KIFAP3: variants seen among roughly 807,000 people sequenced by gnomAD.
The protein encoded by KIFAP3 is kinesin-associated protein 3.
In KIFAP3, 68 loss-of-function variants were observed where a neutral mutation model predicts 106.5. That is an observed-to-expected ratio of 0.64 (90% CI 0.53 to 0.78). The LOEUF (loss-of-function observed/expected upper bound fraction) is 0.78, where lower values mean the gene tolerates loss of function less well. Among genes scored for constraint, KIFAP3 ranks in the 30% least tolerant of loss-of-function variants. KIFAP3 has a pLI of 0.00. For missense variants in KIFAP3, 780 were observed against 941.8 expected (o/e 0.83, Z 2.25); for synonymous variants, 320 against 311.5 (o/e 1.03, Z -0.29).
At chr1:169,925,912 CT>C (rs1663106860) in intron 19 of KIFAP3, among the ~76,000 whole-genome samples, 1 of 152,096 alleles carries the variant, frequency 6.6e-6, no homozygotes, top group Non-Finnish European at 1.5e-5. Flanking sequence ...CAACACAAGC[CT>C]TTTTCTTCTT....
chr1:170,012,324 T>A (rs1254139497), intron 10 of KIFAP3, among the ~76,000 whole-genome samples: 1 of 152,106 alleles, frequency 6.6e-6, no homozygotes, highest in Non-Finnish European at 1.5e-5. Context: ...ATAATATTTA[T>A]GGCCCTGTAT....
intron 1 of KIFAP3, among the ~76,000 whole-genome samples, chr1:170,065,033 G>C (rs1671365699): frequency 6.6e-6 from 1 of 152,120 alleles, no homozygotes; most frequent in South Asian, 2.1e-4. Context: ...TCTTGGAAGA[G>C]TTGTACATAA....
At chr1:170,006,418 T>C (rs1389808301) in intron 10 of KIFAP3, among the ~76,000 whole-genome samples, 1 of 152,156 alleles carries the variant, frequency 6.6e-6, no homozygotes, top group South Asian at 2.1e-4. Context: ...CTGAGACTGA[T>C]GGAACTCCAT....
chr1:170,012,031 C>G (rs1374756848), intron 10 of KIFAP3, among the ~76,000 whole-genome samples: 1 of 151,990 alleles, frequency 6.6e-6, no homozygotes, highest in Non-Finnish European at 1.5e-5. Flanking sequence ...CAATAAAACT[C>G]AAGAACATTA....
At position 169,984,623 on chromosome 1, in the gene KIFAP3, T is replaced by C. The variant is rs1175275945; in HGVS notation, c.1352A>G (p.Asn451Ser). 9.9e-6 allele frequency: 16 copies of C among 1,608,406 alleles called. No individual in the cohort carries two copies. Among genetic ancestry groups the C allele is most frequent in the Non-Finnish European group, 1.2e-5 (14 of 1,176,250 alleles). ...IDLELISFCI[N>S]LAANKRNVQL... ...TACATTTCTTTTGTTAGCAGCAAGA[T>C]TAATGCAGAAAGAAATGAGTTCCAA... Residue 451 changes from asparagine to serine, a missense_variant, in exon 12 of 20, where the codon AAT becomes AGT. Around this residue, in one of 3 missense-constraint regions of KIFAP3, gnomAD observed 588 missense variants for 678.9 expected, o/e 0.87. Transcript: ENST00000361580.
intron 3 of KIFAP3, among the ~76,000 whole-genome samples, chr1:170,042,177 T>A (rs1670016119): frequency 6.6e-6 from 1 of 152,210 alleles, no homozygotes; most frequent in Admixed American, 6.5e-5. Context: ...ATACGGGAAA[T>A]ACTAACTTAA....
At chr1:170,084,684 A>G (rs1165668315) in intron 1 of KIFAP3, among the ~76,000 whole-genome samples, 3 of 152,186 alleles carry the variant, frequency 2.0e-5, no homozygotes, top group Non-Finnish European at 4.4e-5. Context: ...ATGAAATATC[A>G]TGGTACAGTT....
upstream of KIFAP3, among the ~76,000 whole-genome samples, chr1:170,079,191 G>A (rs1346518236): frequency 1.3e-5 from 2 of 152,210 alleles, no homozygotes; most frequent in Middle Eastern, 3.4e-3. Context: ...GTTCCTGTGA[G>A]AGCTGGTTGA....
chr1:169,932,753 C>G (rs1289869309), intron 19 of KIFAP3, among the ~76,000 whole-genome samples: 1 of 147,990 alleles, frequency 6.8e-6, no homozygotes, highest in African/African-American at 2.5e-5. Flanking sequence ...CTCCAAAGTC[C>G]TTAAACAAAT....
At chr1:169,979,993 A>T (rs1020812733) in intron 15 of KIFAP3, among the ~76,000 whole-genome samples, 4 of 152,200 alleles carry the variant, frequency 2.6e-5, no homozygotes, top group African/African-American at 9.7e-5. Flanking sequence ...TCACAAATAT[A>T]AGGTAGAACA....
At position 170,049,605 on chromosome 1, in the gene KIFAP3, A is replaced by T. The variant is rs190977397; in HGVS notation, c.165-2739T>A. Among the ~76,000 whole-genome samples, 279 of 152,350 alleles carry T rather than the reference A, an allele frequency of 1.8e-3. 1 individual carries two copies. Among genetic ancestry groups the T allele is most frequent in the African/African-American group, 6.5e-3 (272 of 41,580 alleles). On this transcript the variant is annotated intron_variant, in intron 2 of 19. Transcript: ENST00000361580. Reference sequence around the variant, plus strand: ...GGAGATCTCTGGCTGGCATCAGGCCAGTGCTCCCTCTGGGACGAAGCTTCC... The same window carrying T: ...GGAGATCTCTGGCTGGCATCAGGCCTGTGCTCCCTCTGGGACGAAGCTTCC...
intron 3 of KIFAP3, among the ~76,000 whole-genome samples, chr1:170,045,796 G>A (rs897009508): frequency 2.0e-5 from 3 of 152,112 alleles, no homozygotes; most frequent in African/African-American, 7.2e-5. Context: ...TTATAACTAA[G>A]CATTAATAGG....
At chr1:170,047,125 G>A (rs904366583) in intron 2 of KIFAP3, among the ~76,000 whole-genome samples, 24 of 152,118 alleles carry the variant, frequency 1.6e-4, no homozygotes, top group Non-Finnish European at 3.2e-4. Context: ...CAGAGATTCT[G>A]TTTTAAAACA....
At position 169,993,625 on chromosome 1, in the gene KIFAP3, G is replaced by GCCTGTAATCC. The variant is rs1171195960; in HGVS notation, c.1184-1371_1184-1370insGGATTACAGG. On this transcript the variant is annotated intron_variant, in intron 10 of 19. Coordinates refer to ENST00000361580, the MANE Select transcript of KIFAP3 (RefSeq NM_014970.4). ...TTTCCCAGGGTCTAGCAAGCTTCAG[G>GCCTGTAATCC]CAGGTGATTTGCTTGTACCCAGAAG... is the stretch of plus-strand genomic sequence containing the variant. Among the ~76,000 whole-genome samples the GCCTGTAATCC allele has an allele frequency of 5.9e-4, 16 of 27,042 alleles. 8 individuals carry two copies. Among genetic ancestry groups the GCCTGTAATCC allele is most frequent in the East Asian group, 1.6e-3 (2 of 1,266 alleles). 17.7% of individuals were successfully genotyped at this position (27,042 alleles called of 152,430 possible).
chr1:170,067,685 T>C (rs1328771038), intron 1 of KIFAP3: 1 of 152,220 alleles, frequency 6.6e-6, no homozygotes, highest in Non-Finnish European at 1.5e-5. Context: ...TTTCCTTTGT[T>C]TTGACTAATT....
rs1425562100 is a variant in KIFAP3, at chr1:170,057,393, G to C, written c.33-1957C>G. 4.0e-5 allele frequency among the ~76,000 whole-genome samples: 6 copies of C among 151,896 alleles called. No homozygotes were observed. In the East Asian group the frequency reaches 1.2e-3, roughly 29 times the overall value. ...TTTGCCTTTTTTTTGCTGTGTATGT[G>C]TGTTTTAGAGGAGTAAGTTAATTAC... On this transcript the variant is annotated intron_variant, in intron 1 of 19. Transcript: ENST00000361580.
At chr1:170,059,817 C>T (rs950200369) in intron 1 of KIFAP3, among the ~76,000 whole-genome samples, 1 of 152,184 alleles carries the variant, frequency 6.6e-6, no homozygotes, top group Non-Finnish European at 1.5e-5. Context: ...GCTTATCCAC[C>T]ATGATCAAGT....
At chr1:170,001,883 T>G (rs1250780913) in intron 10 of KIFAP3, among the ~76,000 whole-genome samples, 1 of 152,170 alleles carries the variant, frequency 6.6e-6, no homozygotes, top group Non-Finnish European at 1.5e-5. Flanking sequence ...AAAATAAAGT[T>G]TCATTTTTTC....
intron 9 of KIFAP3, among the ~76,000 whole-genome samples, chr1:170,021,404 TA>T (rs1002385395): frequency 5.6e-5 from 8 of 142,954 alleles, no homozygotes; most frequent in East Asian, 2.0e-4. Flanking sequence ...CAAAACTTAA[TA>T]AAAAAAAACT....
Sources: gnomAD v4.1 joint callset for allele counts (sites outside exome capture counted in the v4.1 genomes callset) on GRCh38, gnomAD v4.1.1 for gene constraint, gnomAD v4.1.1 regional missense constraint, MANE v1.5 for transcripts, NCBI Gene and HGNC (gene_info 2026-07-23, HGNC 2026-07-21) for gene names.